The following ADGRB3 variants were observed in gnomAD, a reference collection of about 807,000 sequenced individuals.
ADGRB3 encodes the protein brain-specific angiogenesis inhibitor 3.
In ADGRB3, 37 loss-of-function variants were observed where a neutral mutation model predicts 193.4. The ratio of observed to expected loss-of-function variants is 0.19; its 90% CI spans 0.15 to 0.25. The LOEUF (loss-of-function observed/expected upper bound fraction) is 0.25. Among genes scored for constraint, ADGRB3 ranks in the 10% least tolerant of loss-of-function variants. The probability of loss-of-function intolerance (pLI) is 1.00; values close to 1 mark genes in which losing one functional copy is unlikely to be tolerated. For synonymous variants in ADGRB3, 690 were observed against 644.2 expected, an observed-to-expected ratio of 1.07 and a Z score of -1.08; for missense variants, 1,637 against 1,852.9, an observed-to-expected ratio of 0.88 and a Z score of 2.14.
In ADGRB3 at chr6:69,379,032, T is replaced by C. The variant is rs139626661; in HGVS notation, c.4276-3799T>C. Among the ~76,000 whole-genome samples, 506 of 152,148 alleles carry C rather than the reference T, an allele frequency of 3.3e-3. 2 individuals carry two copies. The highest frequency in any genetic ancestry group is 0.011 in the African/African-American group (474 of 41,560). On this transcript the variant is annotated intron_variant, in intron 30 of 31. Transcript: ENST00000370598. ...AAAGCATATTTCTTGTGCAGTTAGA[T>C]TGGTGGTCCTCTCAGGATGGGGATT... is the stretch of plus-strand genomic sequence containing the variant.
chr6:68,917,366 C>T (rs73747851), intron 3 of ADGRB3, among the ~76,000 whole-genome samples: 133 of 152,298 alleles, frequency 8.7e-4, no homozygotes, highest in African/African-American at 3.0e-3. Context: ...GAAAGTTCTT[C>T]CTATGGATTT....
intron 17 of ADGRB3, among the ~76,000 whole-genome samples, chr6:69,102,803 A>G (rs111331894): frequency 8.1e-4 from 124 of 152,350 alleles, no homozygotes; most frequent in Non-Finnish European, 1.3e-3. Context: ...AGGAAGTCAC[A>G]ACCTTTTTTT....
chr6:68,887,775 A>T (rs140568092), intron 3 of ADGRB3, among the ~76,000 whole-genome samples: 2 of 152,192 alleles, frequency 1.3e-5, no homozygotes, highest in East Asian at 3.8e-4. Context: ...AGGGAAGTGT[A>T]TACAACAAAA....
At chr6:69,279,442 G>C (rs1014232658) in intron 20 of ADGRB3, among the ~76,000 whole-genome samples, 7 of 149,778 alleles carry the variant, frequency 4.7e-5, no homozygotes, top group African/African-American at 1.7e-4. Context: ...AAATTTGTTA[G>C]TCAAGAATGC....
At chr6:69,303,845 A>G (rs1389052905) in intron 20 of ADGRB3, among the ~76,000 whole-genome samples, 1 of 151,966 alleles carries the variant, frequency 6.6e-6, no homozygotes, top group Non-Finnish European at 1.5e-5. Context: ...TAGTAATTAA[A>G]TAGGATTTCA....
chr6:68,985,897 G>T (rs1769059341), intron 10 of ADGRB3, among the ~76,000 whole-genome samples: 1 of 152,098 alleles, frequency 6.6e-6, no homozygotes, highest in Admixed American at 6.6e-5. Context: ...GTTTCTAAAA[G>T]CTTGGGCACC....
chr6:69,181,298 AT>A (rs932199649), intron 17 of ADGRB3, among the ~76,000 whole-genome samples: 7 of 152,152 alleles, frequency 4.6e-5, no homozygotes, highest in South Asian at 2.1e-4. Context: ...GAAAAAAAAA[AT>A]GTGTTAATGT....
intron 3 of ADGRB3, among the ~76,000 whole-genome samples, chr6:68,718,380 C>T (rs562421772): frequency 2.6e-5 from 4 of 151,754 alleles, no homozygotes; most frequent in Admixed American, 2.6e-4. Context: ...AGAGAATTAC[C>T]GCTTTTTGTT....
intron 3 of ADGRB3, among the ~76,000 whole-genome samples, chr6:68,889,371 C>T (rs1413756050): frequency 2.0e-5 from 3 of 152,242 alleles, no homozygotes; most frequent in African/African-American, 4.8e-5. Flanking sequence ...TTGTTGATGG[C>T]TGATCAACCT....
At chr6:68,847,979 A>G (rs1443538131) in intron 3 of ADGRB3, among the ~76,000 whole-genome samples, 1 of 152,138 alleles carries the variant, frequency 6.6e-6, no homozygotes, top group Non-Finnish European at 1.5e-5. Flanking sequence ...AACCTGAGTC[A>G]TACAACTGAG....
At chr6:68,907,157 T>G (rs921378472) in intron 3 of ADGRB3, among the ~76,000 whole-genome samples, 4 of 151,984 alleles carry the variant, frequency 2.6e-5, no homozygotes, top group African/African-American at 7.2e-5. Flanking sequence ...ATATTTATTT[T>G]TAAATTCACT....
chr6:69,189,858 A>C (rs1388216863), intron 17 of ADGRB3, among the ~76,000 whole-genome samples: 6 of 152,184 alleles, frequency 3.9e-5, no homozygotes, highest in Non-Finnish European at 8.8e-5. Flanking sequence ...TGCCCAGCAT[A>C]ACGTTGTGGT....
chr6:68,875,861 G>T (rs557752019), intron 3 of ADGRB3, among the ~76,000 whole-genome samples: 2 of 152,118 alleles, frequency 1.3e-5, no homozygotes, highest in African/African-American at 2.4e-5. Flanking sequence ...GAATGAGAAG[G>T]AGAAAGCCTA....
chr6:69,324,964 T>A lies in ADGRB3; in HGVS notation c.2907T>A (p.Ala969=). Residue 969 remains alanine (A), a synonymous_variant, in exon 21 of 32, where the codon GCT becomes GCA. Transcript: ENST00000370598. ...VLTEAWQSYM[A]VTGKIRTRLI... ...CTGAGGCGTGGCAATCATATATGGC[T>A]GTAACTGGAAAAATTAGGACACGGC... 1 of 1,613,942 alleles carries A rather than the reference T, an allele frequency of 6.2e-7. No individual in the cohort carries two copies. The highest frequency in any genetic ancestry group is 8.5e-7 in the Non-Finnish European group (1 of 1,179,906).
chr6:69,316,409 A>G (rs1768313753), intron 20 of ADGRB3, among the ~76,000 whole-genome samples: 1 of 151,596 alleles, frequency 6.6e-6, no homozygotes, highest in African/African-American at 2.4e-5. Context: ...AAGGTATGAG[A>G]GAACATTACA....
chr6:68,781,431 AG>A (rs1208775523), intron 3 of ADGRB3, among the ~76,000 whole-genome samples: 1 of 152,154 alleles, frequency 6.6e-6, no homozygotes, highest in East Asian at 1.9e-4. Flanking sequence ...AATAATTTAT[AG>A]TTTCAAAATG....
At chr6:69,281,696 G>T (rs527310769) in intron 20 of ADGRB3, among the ~76,000 whole-genome samples, 100 of 152,156 alleles carry the variant, frequency 6.6e-4, no homozygotes, top group Middle Eastern at 3.2e-3. Flanking sequence ...ATTCTGGAGG[G>T]ATTAGTTAAG....
intron 11 of ADGRB3, among the ~76,000 whole-genome samples, chr6:68,996,404 T>C (rs534489888): frequency 6.6e-6 from 1 of 152,298 alleles, no homozygotes; most frequent in Admixed American, 6.5e-5. Context: ...AGAACAGCTC[T>C]GATTATGTCA....
At chr6:68,940,491 T>G (rs1346235913) in intron 5 of ADGRB3, among the ~76,000 whole-genome samples, 1 of 150,424 alleles carries the variant, frequency 6.6e-6, no homozygotes, top group Non-Finnish European at 1.5e-5. Flanking sequence ...TGGTGTACTC[T>G]TTATGTACTT....
Sources: allele counts gnomAD v4.1 joint callset (sites outside exome capture counted in the v4.1 genomes callset), GRCh38; gene constraint gnomAD v4.1.1; transcripts MANE v1.5; gene names NCBI Gene and HGNC (gene_info 2026-07-23, HGNC 2026-07-21).